TASP1: variants seen among roughly 807,000 people sequenced by gnomAD.
TASP1 encodes taspase 1, also known as threonine aspartase 1.
TASP1 carries 16 observed loss-of-function variants against 56.6 expected under a neutral mutation model. That is an observed-to-expected ratio of 0.28 (90% CI 0.19 to 0.43). The LOEUF is 0.43. Among genes scored for constraint, TASP1 ranks in the 20% least tolerant of loss-of-function variants. TASP1 has a pLI of 1.00. For missense variants in TASP1, 393 were observed against 511.6 expected (o/e 0.77, Z 2.24); for synonymous variants, 179 against 184.2 (o/e 0.97, Z 0.23).
At chr20:13,325,445 G>T in the TASP1 span, among the ~76,000 whole-genome samples, 1 of 152,168 alleles carries the variant, frequency 6.6e-6, no homozygotes, top group Non-Finnish European at 1.5e-5. Flanking sequence ...CACACAGGCA[G>T]AAGAGAGTTG....
chr20:13,249,683 G>A, the TASP1 span, among the ~76,000 whole-genome samples: 7 of 152,242 alleles, frequency 4.6e-5, no homozygotes, highest in Non-Finnish European at 8.8e-5. Flanking sequence ...CTGGTGGTTC[G>A]AGTGGGGACC....
chr20:13,511,178 G>GAAA (rs565543408), intron 10 of TASP1, among the ~76,000 whole-genome samples: 2 of 137,728 alleles, frequency 1.5e-5, no homozygotes, highest in African/African-American at 5.3e-5. Flanking sequence ...TCATTCCTAG[G>GAAA]AAAAAAAAAA....
chr20:13,130,675 A>T, the TASP1 span, among the ~76,000 whole-genome samples: 2 of 152,158 alleles, frequency 1.3e-5, no homozygotes, highest in African/African-American at 2.4e-5. Flanking sequence ...ATGCACCAAG[A>T]CCCTTTTAAT....
chr20:13,146,917 G>T, the TASP1 span, among the ~76,000 whole-genome samples: 1 of 152,206 alleles, frequency 6.6e-6, no homozygotes, highest in Non-Finnish European at 1.5e-5. Context: ...ATGCCTTCAT[G>T]ATCTCCAAGC....
chr20:13,519,929 G>A (rs1471277279), intron 10 of TASP1, among the ~76,000 whole-genome samples: 1 of 152,156 alleles, frequency 6.6e-6, no homozygotes, highest in Non-Finnish European at 1.5e-5. Flanking sequence ...CAAAGTCTCA[G>A]GATACAAAAT....
At chr20:13,356,225 T>C in the TASP1 span, among the ~76,000 whole-genome samples, 2 of 152,344 alleles carry the variant, frequency 1.3e-5, no homozygotes, top group Non-Finnish European at 2.9e-5. Context: ...AGAGGTTTTA[T>C]GGCTTAAATT....
rs534810832 is a variant in TASP1, at chr20:13,469,201, G to A, written c.985+14026C>T. Among the ~76,000 whole-genome samples, 63 of 152,210 alleles carry A rather than the reference G, an allele frequency of 4.1e-4. 1 individual carries two copies. In the South Asian group the frequency reaches 0.012, roughly 29 times the overall value. On this transcript the variant is annotated intron_variant, in intron 11 of 13. Transcript: ENST00000337743. The stretch of plus-strand genomic sequence containing the variant: ...AAAAAATATTACCAAATTATTTCCA[G>A]TTATCAAAATTTAGTAGCTATTTTA...
intron 5 of TASP1, among the ~76,000 whole-genome samples, chr20:13,585,539 T>C (rs1029127412): frequency 5.9e-5 from 9 of 152,166 alleles, no homozygotes; most frequent in African/African-American, 1.4e-4. Context: ...GATGCAAATA[T>C]GCACTTCTCA....
intron 10 of TASP1, among the ~76,000 whole-genome samples, chr20:13,488,983 A>C (rs7269195): frequency 0.046 from 7,028 of 152,208 alleles, 293 homozygotes; most frequent in African/African-American, 0.1. Context: ...TGCCTGGCAA[A>C]AGCCCACCCT....
intron 5 of TASP1, 47 bp downstream of exon 5, chr20:13,587,203 T>G: frequency 6.4e-7 from 1 of 1,566,530 alleles, no homozygotes; most frequent in Non-Finnish European, 8.6e-7. Context: ...CATGAAATGG[T>G]CACGTGCATG....
chr20:13,206,215 C>T, the TASP1 span, among the ~76,000 whole-genome samples: 1 of 152,124 alleles, frequency 6.6e-6, no homozygotes, highest in Admixed American at 6.5e-5. Context: ...GGAGGTATCG[C>T]CAGCTCCTGC....
chr20:13,413,161 T>C (rs1020732261), intron 13 of TASP1, among the ~76,000 whole-genome samples: 4 of 152,094 alleles, frequency 2.6e-5, no homozygotes, highest in African/African-American at 7.2e-5. Flanking sequence ...CACGACCTCA[T>C]GAGGTTTCGA....
chr20:13,580,805 G>T, intron 6 of TASP1, 92 bp downstream of exon 6: 4 of 1,233,120 alleles, frequency 3.2e-6, no homozygotes, highest in South Asian at 1.3e-5. Flanking sequence ...CTTCGCAAAG[G>T]CATGCTACCT....
intron 4 of TASP1, among the ~76,000 whole-genome samples, chr20:13,592,698 C>A (rs2047578101): frequency 1.3e-5 from 2 of 152,028 alleles, no homozygotes; most frequent in Admixed American, 6.6e-5. Flanking sequence ...TTTTCTATTT[C>A]ATTGATTTCT....
chr20:13,335,324 GCACACACACACACACACA>G, the TASP1 span, among the ~76,000 whole-genome samples: 3 of 141,636 alleles, frequency 2.1e-5, no homozygotes, highest in South Asian at 4.7e-4. Context: ...CCTCACCTAT[GCACACACACACACACACA>G]CACACACACA....
chr20:13,509,814 G>A (rs2044261633), intron 10 of TASP1, among the ~76,000 whole-genome samples: 1 of 152,060 alleles, frequency 6.6e-6, no homozygotes, highest in Non-Finnish European at 1.5e-5. Context: ...TTTTAGTAGA[G>A]ACAGGGTTTC....
intron 4 of TASP1, among the ~76,000 whole-genome samples, chr20:13,598,131 C>T (rs2047814777): frequency 6.6e-6 from 1 of 152,254 alleles, no homozygotes; most frequent in South Asian, 2.1e-4. Context: ...AGATTCAATG[C>T]CATCCCCATC....
intron 9 of TASP1, among the ~76,000 whole-genome samples, chr20:13,532,320 G>A (rs560025628): frequency 2.0e-5 from 3 of 152,240 alleles, no homozygotes; most frequent in African/African-American, 7.2e-5. Context: ...TCTAGTTTCA[G>A]CACACTTTAA....
the TASP1 span, among the ~76,000 whole-genome samples, chr20:13,306,564 C>CAAAAAAAAAAAAAAAAA: frequency 3.6e-4 from 23 of 63,908 alleles, no homozygotes; most frequent in East Asian, 5.3e-4. Flanking sequence ...GGAGAAAGGA[C>CAAAAAAAAAAAAAAAAA]AAAAAAAAAA....
Sources: allele counts gnomAD v4.1 joint callset (sites outside exome capture counted in the v4.1 genomes callset), GRCh38; gene constraint gnomAD v4.1.1; transcripts MANE v1.5; gene names NCBI Gene and HGNC (gene_info 2026-07-23, HGNC 2026-07-21).